ROBO2: variants seen among roughly 807,000 people sequenced by gnomAD.
The protein encoded by ROBO2 is roundabout guidance receptor 2.
In ROBO2, 53 loss-of-function variants were observed where a neutral mutation model predicts 160.8. The observed-to-expected ratio is 0.33, with a 90% CI of 0.26 to 0.41. ROBO2 has a LOEUF of 0.41. Ranked by LOEUF, ROBO2 falls within the 10% of genes least tolerant of loss-of-function variation. The pLI, the probability that ROBO2 is intolerant of heterozygous loss-of-function variation, is 1.00. For synonymous variants in ROBO2, 664 were observed against 611.7 expected (o/e 1.09, Z -1.26); for missense variants, 1,577 against 1,722.4 (o/e 0.92, Z 1.49).
chr3:76,241,277 A>G (rs1705267544), intron 2 of ROBO2, among the ~76,000 whole-genome samples: 1 of 152,248 alleles, frequency 6.6e-6, no homozygotes, highest in South Asian at 2.1e-4. Context: ...GGAAATAAAA[A>G]CAATGAAGAA....
intron 2 of ROBO2, among the ~76,000 whole-genome samples, chr3:76,807,722 C>G (rs2064842924): frequency 6.6e-6 from 1 of 151,952 alleles, no homozygotes; most frequent in African/African-American, 2.4e-5. Context: ...GTTTTAAAGT[C>G]TCTGATATGC....
At position 77,096,025 on chromosome 3, in the gene ROBO2, G is replaced by A. The variant is rs375720857; in HGVS notation, c.62-1989G>A. ...TTGGTCTGATGTGATTAAAAAAATA[G>A]CAACTTTTAAGAGTTATTCCTCTTC... On this transcript the variant is annotated intron_variant, in intron 1 of 25. Coordinates refer to ENST00000461745, the Ensembl canonical transcript of ROBO2. Among the ~76,000 whole-genome samples the A allele has an allele frequency of 1.4e-4, 21 of 151,736 alleles. No homozygotes were observed. In the East Asian group the frequency reaches 3.5e-3, roughly 25 times the overall value.
At chr3:76,058,230 G>C (rs374530850) in intron 2 of ROBO2, among the ~76,000 whole-genome samples, 40 of 151,844 alleles carry the variant, frequency 2.6e-4, no homozygotes. Flanking sequence ...ATTAGGTATT[G>C]CTCCTAATAC....
chr3:76,085,116 T>TACAC (rs60546446), intron 2 of ROBO2, among the ~76,000 whole-genome samples: 51 of 135,894 alleles, frequency 3.8e-4, no homozygotes, highest in African/African-American at 1.1e-4. Context: ...TATATATATA[T>TACAC]ACACACACAC....
intron 2 of ROBO2, among the ~76,000 whole-genome samples, chr3:77,391,946 A>T (rs550541444): frequency 2.0e-5 from 3 of 152,220 alleles, no homozygotes; most frequent in Admixed American, 2.0e-4. Flanking sequence ...ATGCTTTCTA[A>T]TCCCTTGAGA....
At chr3:76,271,386 A>G (rs955771980) in intron 2 of ROBO2, among the ~76,000 whole-genome samples, 13 of 151,750 alleles carry the variant, frequency 8.6e-5, no homozygotes, top group African/African-American at 3.1e-4. Flanking sequence ...GTACAAAATG[A>G]ATGAAAAAAG....
rs557044734 is a variant in ROBO2 at position 77,224,334 on chromosome 3, G to T, written c.388+125994G>T. 4.1e-4 allele frequency among the ~76,000 whole-genome samples: 62 copies of T among 152,044 alleles called. 1 individual carries two copies. The highest frequency in any genetic ancestry group is 1.4e-3 in the African/African-American group (57 of 41,568). On this transcript the variant is annotated intron_variant, in intron 2 of 25. Transcript: ENST00000461745. ...AAATGTTTGAGTATCAGAGCTGAAAGATTGCCTAACTAAGTAAAATACAGT... is the reference window on the plus strand; with the variant it reads ...AAATGTTTGAGTATCAGAGCTGAAATATTGCCTAACTAAGTAAAATACAGT...
chr3:77,385,604 C>T (rs532182133), intron 2 of ROBO2, among the ~76,000 whole-genome samples: 67 of 152,222 alleles, frequency 4.4e-4, no homozygotes, highest in African/African-American at 1.5e-3. Flanking sequence ...CGAGGAAGTC[C>T]TTCCTCTAGA....
At chr3:77,018,159 G>A (rs549480759) in intron 2 of ROBO2, among the ~76,000 whole-genome samples, 10 of 152,298 alleles carry the variant, frequency 6.6e-5, no homozygotes, top group African/African-American at 2.4e-4. Context: ...CTGGAGTGCA[G>A]TGGCGCAATC....
intron 2 of ROBO2, among the ~76,000 whole-genome samples, chr3:75,993,964 G>C (rs535409759): frequency 2.6e-5 from 4 of 152,112 alleles, no homozygotes; most frequent in Non-Finnish European, 1.5e-5. Flanking sequence ...TTATTTACAG[G>C]TTGCTTTTTT....
At chr3:76,531,377 T>G (rs1457271272) in intron 2 of ROBO2, among the ~76,000 whole-genome samples, 1 of 152,158 alleles carries the variant, frequency 6.6e-6, no homozygotes, top group Non-Finnish European at 1.5e-5. Flanking sequence ...TTCTCTTCTT[T>G]TAGGTTCAAT....
chr3:77,598,691 AG>A (rs1404354508), intron 19 of ROBO2, among the ~76,000 whole-genome samples: 1 of 151,944 alleles, frequency 6.6e-6, no homozygotes, highest in Non-Finnish European at 1.5e-5. Flanking sequence ...ATACTCTGGT[AG>A]TGGCTTCCTC....
intron 2 of ROBO2, among the ~76,000 whole-genome samples, chr3:77,116,438 G>T (rs996079683): frequency 1.3e-5 from 2 of 152,086 alleles, no homozygotes; most frequent in Non-Finnish European, 2.9e-5. Context: ...TATCTTAGGG[G>T]CCCAGCAGCC....
chr3:76,240,283 C>T lies in ROBO2; in HGVS notation c.109+302681C>T, dbSNP rs557740363. 1.2e-4 allele frequency among the ~76,000 whole-genome samples: 18 copies of T among 151,892 alleles called. No homozygotes were observed. In the South Asian group the frequency reaches 3.5e-3, roughly 30 times the overall value. ...TGTCCTAATGCTCTCCCTCCCATAA[C>T]CCCCACCCCCCGACAGGCCCCAGTG... On this transcript the variant is annotated intron_variant, in intron 2 of 26. Transcript: ENST00000487694.
At chr3:77,478,799 A>G (rs1047053717) in intron 3 of ROBO2, among the ~76,000 whole-genome samples, 7 of 152,220 alleles carry the variant, frequency 4.6e-5, no homozygotes, top group Non-Finnish European at 7.3e-5. Context: ...AGATTACAAC[A>G]TAAAACAGAA....
chr3:76,739,942 G>T (rs987286994), intron 2 of ROBO2, among the ~76,000 whole-genome samples: 1 of 152,136 alleles, frequency 6.6e-6, no homozygotes, highest in Non-Finnish European at 1.5e-5. Flanking sequence ...AAAGTTATTA[G>T]TTGTGTGCTT....
rs535367785 is a variant in ROBO2 at position 76,421,527 on chromosome 3, C to T, written c.109+483925C>T. Among the ~76,000 whole-genome samples, 3 of 151,952 alleles carry T rather than the reference C, an allele frequency of 2.0e-5. No homozygotes were observed. In the South Asian group the frequency reaches 6.2e-4, roughly 32 times the overall value. Reference sequence around the variant, plus strand: ...GGATTGCCTGAGGTCAGGAGTGTGACACCAGCCTGACCAACGTGGAGAAAC... The same window carrying T: ...GGATTGCCTGAGGTCAGGAGTGTGATACCAGCCTGACCAACGTGGAGAAAC... On this transcript the variant is annotated intron_variant, in intron 2 of 26. Transcript: ENST00000487694.
At chr3:76,587,215 T>G (rs2086100840) in intron 2 of ROBO2, among the ~76,000 whole-genome samples, 1 of 152,140 alleles carries the variant, frequency 6.6e-6, no homozygotes, top group Non-Finnish European at 1.5e-5. Context: ...TATTTATGTT[T>G]TTATTGCTTT....
At chr3:77,458,531 G>A (rs2081923613) in intron 2 of ROBO2, among the ~76,000 whole-genome samples, 1 of 151,766 alleles carries the variant, frequency 6.6e-6, no homozygotes, top group Non-Finnish European at 1.5e-5. Flanking sequence ...TACAGAAGAA[G>A]AATGTAACAC....
Sources: allele counts gnomAD v4.1 joint callset (sites outside exome capture counted in the v4.1 genomes callset), GRCh38; gene constraint gnomAD v4.1.1; transcripts MANE v1.5; gene names NCBI Gene and HGNC (gene_info 2026-07-23, HGNC 2026-07-21).